Variants in GNB1 observed in about 807,000 individuals in gnomAD.
The protein encoded by GNB1 is G protein subunit beta 1, also known as guanine nucleotide-binding protein G(I)/G(S)/G(T) subunit beta-1.
GNB1 carries 2 observed loss-of-function variants against 42.9 expected under a neutral mutation model. The ratio of observed to expected loss-of-function variants is 0.05; its 90% CI spans 0.02 to 0.15. The LOEUF (loss-of-function observed/expected upper bound fraction) is 0.15, where lower values mean the gene tolerates loss of function less well. GNB1 is among the 10% of genes least tolerant of loss of function. GNB1 has a pLI of 1.00. For missense variants in GNB1, 193 were observed against 462.2 expected (o/e 0.42, Z 5.34); for synonymous variants, 183 against 174.7 (o/e 1.05, Z -0.38).
intron 1 of GNB1, among the ~76,000 whole-genome samples, chr1:1,844,816 G>T (rs752176512): frequency 1.3e-5 from 2 of 152,158 alleles, no homozygotes; most frequent in African/African-American, 2.4e-5. Flanking sequence ...AAGCCTTGCC[G>T]TAAGTGTGGT....
intron 5 of GNB1, among the ~76,000 whole-genome samples, chr1:1,813,852 G>A (rs1431041057): frequency 6.6e-6 from 1 of 152,138 alleles, no homozygotes; most frequent in Non-Finnish European, 1.5e-5. Context: ...TATTTACGGA[G>A]TACAATGTGA....
chr1:1,819,687 C>T (rs987228523), intron 3 of GNB1, among the ~76,000 whole-genome samples: 2 of 148,314 alleles, frequency 1.3e-5, no homozygotes, highest in Non-Finnish European at 3.0e-5. Context: ...TACAAGCATG[C>T]ATTACTATGC....
At chr1:1,825,306 A>T in intron 3 of GNB1, 91 bp downstream of exon 3, 2 of 873,128 alleles carry the variant, frequency 2.3e-6, no homozygotes, top group Non-Finnish European at 3.9e-6. Flanking sequence ...AACATAGAAC[A>T]AGTCATCCTG....
At chr1:1,846,518 G>GATC in intron 1 of GNB1, among the ~76,000 whole-genome samples, 1 of 152,294 alleles carries the variant, frequency 6.6e-6, no homozygotes, top group East Asian at 1.9e-4. Context: ...AGTGAGCAGA[G>GATC]ATCATGCCAC....
rs888273416 is a variant in GNB1 at position 1,891,014 on chromosome 1, CCCGCCG to C, written c.-296_-291del. 6 of 153,272 alleles carry C rather than the reference CCCGCCG, an allele frequency of 3.9e-5. No homozygotes were observed. Among genetic ancestry groups the C allele is most frequent in the African/African-American group, 4.9e-5 (2 of 40,916 alleles). 9.5% of individuals were successfully genotyped at this position (153,272 alleles called of 1,614,324 possible). A position where few individuals can be genotyped will look rare whatever the true frequency, so the allele number is the denominator to read the frequency against. On this transcript the variant is annotated 5_prime_UTR_variant, in exon 1 of 12. Transcript: ENST00000378609. ...TCCCCACTCGCCGCCCGCTCCCGCT[CCCGCCG>C]CCGCCGCCGCCGCCTCCGTCCGCCC...
intron 1 of GNB1, among the ~76,000 whole-genome samples, chr1:1,861,001 G>C (rs2101647036): frequency 6.6e-6 from 1 of 151,840 alleles, no homozygotes; most frequent in Middle Eastern, 3.4e-3. Context: ...CCAGCTACTT[G>C]GGAGGCTGAG....
Position 1,868,864 on chromosome 1 carries a change from T to C in GNB1, c.-96+21956A>G, listed in dbSNP as rs147585366. On this transcript the variant is annotated intron_variant, in intron 1 of 11. Coordinates refer to ENST00000378609, the MANE Select transcript of GNB1 (RefSeq NM_002074.5). ...TGTATTTGCCTAAGAACTCAAAAAA[T>C]CTTCTGAAGTTAATTTCTATAAAGA... Among the ~76,000 whole-genome samples, 615 of 151,674 alleles carry C rather than the reference T, an allele frequency of 4.1e-3. 4 individuals are homozygous for C. The highest frequency in any genetic ancestry group is 0.014 in the African/African-American group (583 of 41,298).
intron 5 of GNB1, among the ~76,000 whole-genome samples, chr1:1,812,379 T>C (rs907130484): frequency 7.2e-6 from 1 of 139,484 alleles, no homozygotes; most frequent in Non-Finnish European, 1.5e-5. Context: ...GATATAGATA[T>C]ACATGTATAT....
intron 1 of GNB1, among the ~76,000 whole-genome samples, chr1:1,870,700 A>G (rs944299360): frequency 2.0e-5 from 3 of 152,174 alleles, no homozygotes; most frequent in African/African-American, 7.2e-5. Flanking sequence ...TTTGGGAGGC[A>G]GAGGTGAGTG....
intron 7 of GNB1, among the ~76,000 whole-genome samples, chr1:1,802,442 G>T (rs987149343): frequency 6.6e-6 from 1 of 152,084 alleles, no homozygotes; most frequent in East Asian, 1.9e-4. Flanking sequence ...GCACTCACAA[G>T]GATATTAAAA....
chr1:1,880,942 C>T (rs1001070835), intron 1 of GNB1, among the ~76,000 whole-genome samples: 1 of 152,042 alleles, frequency 6.6e-6, no homozygotes, highest in East Asian at 1.9e-4. Flanking sequence ...TGGGGTAAAA[C>T]AGCAGAGATC....
At chr1:1,851,584 A>T (rs1647986897) in intron 1 of GNB1, among the ~76,000 whole-genome samples, 1 of 151,816 alleles carries the variant, frequency 6.6e-6, no homozygotes, top group Admixed American at 6.6e-5. Flanking sequence ...AATTTAATTT[A>T]AAAAAATATT....
chr1:1,842,034 G>A (rs1321783756), intron 1 of GNB1, among the ~76,000 whole-genome samples: 2 of 152,214 alleles, frequency 1.3e-5, no homozygotes, highest in Admixed American at 6.5e-5. Flanking sequence ...GAGGCCGAGC[G>A]TGGTGGCTCA....
intron 1 of GNB1, among the ~76,000 whole-genome samples, chr1:1,880,443 C>T (rs1649778941): frequency 6.6e-6 from 1 of 151,876 alleles, no homozygotes. Context: ...AAAAAATTAG[C>T]CGGGCGTGGT....
intron 5 of GNB1, among the ~76,000 whole-genome samples, chr1:1,807,039 A>C (rs1461067952): frequency 1.3e-5 from 2 of 152,118 alleles, no homozygotes; most frequent in African/African-American, 2.4e-5. Context: ...CATGAACAAA[A>C]ACACTGTCAC....
intron 1 of GNB1, among the ~76,000 whole-genome samples, chr1:1,847,797 T>TG (rs1469329584): frequency 6.7e-6 from 1 of 149,208 alleles, no homozygotes; most frequent in Non-Finnish European, 1.5e-5. Context: ...GGTAGGGGGG[T>TG]GGGTAAGGAC....
chr1:1,842,467 C>G (rs1006576694), intron 1 of GNB1, among the ~76,000 whole-genome samples: 6 of 151,638 alleles, frequency 4.0e-5, no homozygotes, highest in African/African-American at 1.5e-4. Flanking sequence ...CTGGTCCTGT[C>G]TCTGCTAGAA....
At chr1:1,856,186 T>C (rs894915073) in intron 1 of GNB1, among the ~76,000 whole-genome samples, 1 of 152,182 alleles carries the variant, frequency 6.6e-6, no homozygotes, top group Non-Finnish European at 1.5e-5. Flanking sequence ...CACACCTGGC[T>C]AACTTTTATA....
intron 1 of GNB1, among the ~76,000 whole-genome samples, chr1:1,887,513 T>A (rs544625449): frequency 2.3e-4 from 35 of 152,316 alleles, no homozygotes; most frequent in African/African-American, 7.9e-4. Flanking sequence ...TAGTACAACA[T>A]CTCCTTTGAG....
Sources: gnomAD v4.1 joint callset for allele counts (sites outside exome capture counted in the v4.1 genomes callset) on GRCh38, gnomAD v4.1.1 for gene constraint, MANE v1.5 for transcripts, NCBI Gene and HGNC (gene_info 2026-07-23, HGNC 2026-07-21) for gene names.